The following PLPP3 variants were observed in gnomAD, a reference collection of about 807,000 sequenced individuals.
PLPP3 encodes the protein phospholipid phosphatase 3.
PLPP3 carries 6 observed loss-of-function variants against 29.6 expected under a neutral mutation model. That is an observed-to-expected ratio of 0.20 (90% confidence interval 0.11 to 0.40). The LOEUF (loss-of-function observed/expected upper bound fraction) is 0.40. Ranked by LOEUF, PLPP3 falls within the 10% of genes least tolerant of loss-of-function variation. PLPP3 has a pLI of 1.00. For synonymous variants in PLPP3, 152 were observed against 159.7 expected, an observed-to-expected ratio of 0.95 and a Z score of 0.36; for missense variants, 308 against 407.7, an observed-to-expected ratio of 0.76 and a Z score of 2.11.
At chr1:56,551,047 C>T (rs1298687354) in intron 1 of PLPP3, among the ~76,000 whole-genome samples, 1 of 152,122 alleles carries the variant, frequency 6.6e-6, no homozygotes, top group African/African-American at 2.4e-5. Context: ...CCACTCTCCA[C>T]CCTCCCTCCC....
chr1:56,534,971 G>A (rs756383476), intron 2 of PLPP3, among the ~76,000 whole-genome samples: 29 of 152,104 alleles, frequency 1.9e-4, no homozygotes, highest in Non-Finnish European at 4.0e-4. Context: ...TAAGGCTGGG[G>A]TTCCTTTCCT....
chr1:56,524,705 G>T lies in PLPP3; in HGVS notation c.298-151C>A. 9.9e-7 allele frequency: 1 copy of T among 1,005,802 alleles called. No individual in the cohort carries two copies. The highest frequency in any genetic ancestry group is 1.4e-6 in the Non-Finnish European group (1 of 697,086). 62.3% of individuals were successfully genotyped at this position (1,005,802 alleles called of 1,614,324 possible). ...TTATGAAATATACAGACACAAATAT[G>T]CACAGAAGAAAAGATCAAAGCGCTA... On this transcript the variant is annotated intron_variant, in intron 2 of 5. Transcript: ENST00000371250. This position sits in a 1 kb window ranked among gnomAD's most constrained non-coding sequence, Gnocchi z 4.3.
intron 2 of PLPP3, among the ~76,000 whole-genome samples, chr1:56,533,702 A>G (rs182057266): frequency 6.6e-6 from 1 of 152,282 alleles, no homozygotes; most frequent in East Asian, 1.9e-4. Context: ...CACACACACA[A>G]TATCACATGA....
intron 1 of PLPP3, among the ~76,000 whole-genome samples, chr1:56,575,498 T>A (rs923390456): frequency 6.6e-6 from 1 of 152,206 alleles, no homozygotes; most frequent in African/African-American, 2.4e-5. Context: ...TATTACTGAC[T>A]GGAAGACTGG....
chr1:56,512,135 G>T lies in PLPP3; in HGVS notation c.651C>A (p.Arg217=). The T allele has an allele frequency of 6.2e-7, 1 of 1,605,772 alleles. No homozygotes were observed. The highest frequency in any genetic ancestry group is 1.3e-5 in the African/African-American group (1 of 74,544). ...GCAGGCGGGCTCCTCGCCAAGTGAA[G>T]CGGGCCTGCAGGTATAGCTGGAGAA... is the stretch of plus-strand genomic sequence containing the variant. ...MLYLVLYLQA[R]FTWRGARLLR... Residue 217 remains arginine, a synonymous_variant, in exon 5 of 6, where the codon CGC becomes CGA. Transcript: ENST00000371250.
chr1:56,562,616 AG>A (rs1420953340), intron 1 of PLPP3, among the ~76,000 whole-genome samples: 2 of 152,234 alleles, frequency 1.3e-5, no homozygotes, highest in African/African-American at 2.4e-5. Flanking sequence ...TGAGGTAGGC[AG>A]GGAACAAATC....
At chr1:56,534,455 G>A (rs1645910696) in intron 2 of PLPP3, among the ~76,000 whole-genome samples, 2 of 152,082 alleles carry the variant, frequency 1.3e-5, no homozygotes, top group African/African-American at 4.8e-5. Flanking sequence ...TGGGAGCAGG[G>A]GCATCCAACT....
intron 1 of PLPP3, among the ~76,000 whole-genome samples, chr1:56,560,092 T>C (rs1335113291): frequency 6.6e-6 from 1 of 152,196 alleles, no homozygotes; most frequent in African/African-American, 2.4e-5. Flanking sequence ...TCAACTCGGC[T>C]ACCTCTATAC....
At chr1:56,553,011 G>A (rs1207036324) in intron 1 of PLPP3, among the ~76,000 whole-genome samples, 3 of 152,154 alleles carry the variant, frequency 2.0e-5, no homozygotes, top group Non-Finnish European at 4.4e-5. Context: ...AGACTAGCTG[G>A]TCATGTCCCA....
At chr1:56,509,029 C>G (rs1032734664) in intron 5 of PLPP3, among the ~76,000 whole-genome samples, 5 of 152,204 alleles carry the variant, frequency 3.3e-5, no homozygotes, top group Non-Finnish European at 2.9e-5. Context: ...CTGTCCTGGC[C>G]TCTCAGATGG....
chr1:56,520,754 T>C (rs765049887), intron 4 of PLPP3, among the ~76,000 whole-genome samples: 109 of 147,782 alleles, frequency 7.4e-4, no homozygotes, highest in Non-Finnish European at 1.2e-3. Flanking sequence ...CTATTAAAAA[T>C]ACAAAAATTT....
chr1:56,520,358 A>G (rs955823399), intron 4 of PLPP3, among the ~76,000 whole-genome samples: 3 of 152,016 alleles, frequency 2.0e-5, no homozygotes, highest in African/African-American at 7.3e-5. Flanking sequence ...ATTCTCCCCA[A>G]CACCCCAGGG....
intron 2 of PLPP3, among the ~76,000 whole-genome samples, chr1:56,531,474 G>T (rs114372020): frequency 0.01 from 1,566 of 152,244 alleles, 21 homozygotes; most frequent in African/African-American, 0.036. Context: ...GGTATCACCC[G>T]GCACCTACCT....
chr1:56,532,115 G>C (rs80216066), intron 2 of PLPP3, among the ~76,000 whole-genome samples: 1,568 of 152,260 alleles, frequency 0.01, 21 homozygotes, highest in African/African-American at 0.036. Context: ...GAGTGTGGGT[G>C]GTGGAGAAAG....
chr1:56,572,259 A>G (rs538953192), intron 1 of PLPP3, among the ~76,000 whole-genome samples: 4 of 152,096 alleles, frequency 2.6e-5, no homozygotes, highest in Admixed American at 6.5e-5. Context: ...CATGTTGACC[A>G]GGCTAGTCTC....
rs183229692 is a variant in PLPP3 at position 56,513,948 on chromosome 1, T to C, written c.634-1796A>G. 3.1e-3 allele frequency among the ~76,000 whole-genome samples: 471 copies of C among 152,222 alleles called. 1 individual carries two copies. The highest frequency in any genetic ancestry group is 8.7e-3 in the African/African-American group (361 of 41,554). ...AATTCAGAAGTTGATATGTAAATAC[T>C]ATTAGATTGCCATGGACATCCGAAA... is the stretch of plus-strand genomic sequence containing the variant. On this transcript the variant is annotated intron_variant, in intron 4 of 5. Transcript: ENST00000371250.
chr1:56,568,494 C>G (rs1181758856), intron 1 of PLPP3, among the ~76,000 whole-genome samples: 1 of 152,172 alleles, frequency 6.6e-6, no homozygotes, highest in Non-Finnish European at 1.5e-5. Flanking sequence ...AGGCTATGCA[C>G]ATAAAAAAGC....
chr1:56,514,129 G>T (rs1173792390), intron 4 of PLPP3, among the ~76,000 whole-genome samples: 2 of 151,922 alleles, frequency 1.3e-5, no homozygotes, highest in African/African-American at 2.4e-5. Context: ...GAAAAATGAG[G>T]ATTTATAAAT....
At chr1:56,533,751 TTG>T (rs147732178) in intron 2 of PLPP3, among the ~76,000 whole-genome samples, 1,569 of 152,264 alleles carry the variant, frequency 0.01, 21 homozygotes, top group African/African-American at 0.036. Flanking sequence ...TGGTGAACCG[TTG>T]TGACCAATTT....
Sources: allele counts gnomAD v4.1 joint callset (sites outside exome capture counted in the v4.1 genomes callset), GRCh38; gene constraint gnomAD v4.1.1; non-coding constraint Gnocchi (gnomAD v3.1); transcripts MANE v1.5; gene names NCBI Gene and HGNC (gene_info 2026-07-23, HGNC 2026-07-21).